IFNGR2: variants seen among roughly 807,000 people sequenced by gnomAD.
The protein encoded by IFNGR2 is interferon gamma receptor 2.
A neutral mutation model predicts 41.1 loss-of-function variants in IFNGR2; 15 were observed. The ratio of observed to expected loss-of-function variants is 0.37; its 90% CI spans 0.24 to 0.56. The LOEUF is 0.56. IFNGR2 is among the 20% of genes least tolerant of loss of function. The pLI is 0.81. For missense variants in IFNGR2, 362 were observed against 415.7 expected (o/e 0.87, Z 1.12); for synonymous variants, 161 against 171.6 (o/e 0.94, Z 0.48).
Position 33,437,126 on chromosome 21 carries a change from C to T in IFNGR2, c.*164C>T. ...CAGCAGGTCTCATGGGGGTGACAAGCTTTTTTTTTTTTTCTTAAAGAATTT... is the reference window on the plus strand; with the variant it reads ...CAGCAGGTCTCATGGGGGTGACAAGTTTTTTTTTTTTTTCTTAAAGAATTT... On this transcript the variant is annotated 3_prime_UTR_variant, in exon 7 of 7. Transcript: ENST00000290219. 27 of 490,308 alleles carry T rather than the reference C, an allele frequency of 5.5e-5. No homozygotes were observed. The highest frequency in any genetic ancestry group is 1.1e-3 in the Middle Eastern group (2 of 1,820). 30.4% of individuals were successfully genotyped at this position (490,308 alleles called of 1,614,324 possible). A position where few individuals can be genotyped will look rare whatever the true frequency, so the allele number is the denominator to read the frequency against.
At chr21:33,413,957 T>C (rs1003225767) in intron 1 of IFNGR2, among the ~76,000 whole-genome samples, 1 of 149,938 alleles carries the variant, frequency 6.7e-6, no homozygotes, top group African/African-American at 2.5e-5. Flanking sequence ...CTCAGCCTCC[T>C]GAGTAGCTGG....
At chr21:33,422,567 A>C (rs2083801813) in intron 3 of IFNGR2, among the ~76,000 whole-genome samples, 1 of 152,160 alleles carries the variant, frequency 6.6e-6, no homozygotes, top group South Asian at 2.1e-4. Flanking sequence ...TTACCACAAT[A>C]AAAAATTGGG....
At chr21:33,436,174 T>C (rs2083948364) in intron 6 of IFNGR2, among the ~76,000 whole-genome samples, 1 of 162 alleles carries the variant, frequency 6.2e-3, no homozygotes, top group South Asian at 0.25. Flanking sequence ...CTGACCAACA[T>C]GGGAAACCCC....
In IFNGR2 at chr21:33,421,631, G is replaced by T; in HGVS notation, c.358G>T (p.Gly120Ter). The T allele has an allele frequency of 6.2e-7, 1 of 1,614,102 alleles. No individual in the cohort carries two copies. The highest frequency in any genetic ancestry group is 8.5e-7 in the Non-Finnish European group (1 of 1,180,020). ...CACTCTACGCCTTCGAGCTGAGCTGGGAGCACTCCATTCTGCCTGGGTGAC... is the reference window on the plus strand; with the variant it reads ...CACTCTACGCCTTCGAGCTGAGCTGTGAGCACTCCATTCTGCCTGGGTGAC... ...NVTLRLRAEL[G>*]ALHSAWVTMP... Residue 120 changes from glycine to a stop codon, truncating the protein, a stop_gained, in exon 3 of 7, where the codon GGA becomes TGA. Coordinates refer to ENST00000290219, the MANE Select transcript of IFNGR2 (RefSeq NM_005534.4). LOFTEE classifies it high-confidence loss of function.
chr21:33,411,636 A>T (rs1345776548), intron 1 of IFNGR2: 1 of 402,240 alleles, frequency 2.5e-6, no homozygotes, highest in Non-Finnish European at 5.2e-6. Flanking sequence ...GTGGCCTTAT[A>T]CCACCACAGG....
chr21:33,413,107 G>A (rs1052569202), intron 1 of IFNGR2, among the ~76,000 whole-genome samples: 7 of 152,174 alleles, frequency 4.6e-5, no homozygotes, highest in Non-Finnish European at 8.8e-5. Flanking sequence ...ATTCAGATCT[G>A]TCTGTGTGAC....
chr21:33,432,680 G>A, intron 5 of IFNGR2, 34 bp from the exon 6 acceptor site: 1 of 1,610,836 alleles, frequency 6.2e-7, no homozygotes, highest in Non-Finnish European at 8.5e-7. Flanking sequence ...TGCGTAGGAA[G>A]ATCATTCTGT....
Position 33,416,976 on chromosome 21 carries a change from A to G in IFNGR2, c.206+1956A>G, listed in dbSNP as rs561148150. 6.4e-4 allele frequency among the ~76,000 whole-genome samples: 92 copies of G among 143,760 alleles called. 2 individuals are homozygous for G. Among genetic ancestry groups the G allele is most frequent in the African/African-American group, 2.4e-3 (92 of 38,362 alleles). 94.3% of individuals were successfully genotyped at this position (143,760 alleles called of 152,430 possible). On this transcript the variant is annotated intron_variant, in intron 2 of 6. Coordinates refer to ENST00000290219, the MANE Select transcript of IFNGR2 (RefSeq NM_005534.4). ...GTCTCCGTCACCCAGGCTGAAATGC[A>G]GTGGCACGATCTTGGCTCACTGGAC...
rs933681029 is a variant in IFNGR2, at chr21:33,432,585, G to T, written c.722-129G>T. On this transcript the variant is annotated intron_variant, in intron 5 of 6. Transcript: ENST00000290219. ...TAATGTAAGCATACCAGGTGAGGGT[G>T]GGGGGTAGAGGGACTTGCCCATTTT... The T allele has an allele frequency of 8.8e-6, 9 of 1,024,016 alleles. No homozygotes were observed. In the East Asian group the frequency reaches 9.5e-5, roughly 11 times the overall value. The allele number at this position is 1,024,016 out of a possible 1,614,324, so 63.4% of individuals were successfully genotyped here. A position where few individuals can be genotyped will look rare whatever the true frequency, so the allele number is the denominator to read the frequency against.
intron 3 of IFNGR2, 37 bp downstream of exon 3, chr21:33,421,722 T>G: frequency 6.6e-7 from 1 of 1,522,130 alleles, no homozygotes; most frequent in South Asian, 1.1e-5. Flanking sequence ...CTTTATACTT[T>G]CCAGGTTTTC....
rs765468464 is a variant in IFNGR2 at position 33,403,590 on chromosome 21, T to TCGCCGC, written c.57_62dup (p.Ala21_Ala22dup). The TCGCCGC allele has an allele frequency of 2.2e-6, 3 of 1,369,990 alleles. No individual in the cohort carries two copies. Among genetic ancestry groups the TCGCCGC allele is most frequent in the South Asian group, 1.6e-5 (1 of 62,178 alleles). 84.9% of individuals were successfully genotyped at this position (1,369,990 alleles called of 1,614,324 possible). A position where few individuals can be genotyped will look rare whatever the true frequency, so the allele number is the denominator to read the frequency against. ...TCGCTGCTGCTGCTGCTCGGAGTCT[T>TCGCCGC]CGCCGCCGCCGCCGCGGCCCCGCCA... On this transcript the variant is annotated inframe_insertion, in exon 1 of 7. Coordinates refer to ENST00000290219, the MANE Select transcript of IFNGR2 (RefSeq NM_005534.4).
At chr21:33,419,968 A>C (rs1272643501) in intron 2 of IFNGR2, among the ~76,000 whole-genome samples, 2 of 152,054 alleles carry the variant, frequency 1.3e-5, no homozygotes, top group Non-Finnish European at 2.9e-5. Flanking sequence ...TGAAAAAGAA[A>C]TCACTCACCT....
In IFNGR2 at chr21:33,431,179, G is replaced by A. The variant is rs116630871; in HGVS notation, c.562-998G>A. On this transcript the variant is annotated intron_variant, in intron 4 of 6. Coordinates refer to ENST00000290219, the MANE Select transcript of IFNGR2 (RefSeq NM_005534.4). Reference sequence around the variant, plus strand: ...ACTATAGGAGGCTCAAGCACATTTCGGTCAAACTAGAAGCAGGTTGGGAAT... The same window carrying A: ...ACTATAGGAGGCTCAAGCACATTTCAGTCAAACTAGAAGCAGGTTGGGAAT... 6.0e-3 allele frequency among the ~76,000 whole-genome samples: 912 copies of A among 152,202 alleles called. 5 individuals are homozygous for A. The highest frequency in any genetic ancestry group is 0.021 in the African/African-American group (869 of 41,534).
At chr21:33,410,375 C>T (rs1048787854) in intron 1 of IFNGR2, among the ~76,000 whole-genome samples, 1 of 151,986 alleles carries the variant, frequency 6.6e-6, no homozygotes, top group Non-Finnish European at 1.5e-5. Context: ...CCATCTTGGC[C>T]AGGCTGGTCT....
intron 4 of IFNGR2, among the ~76,000 whole-genome samples, chr21:33,430,035 A>G (rs1324061401): frequency 6.6e-6 from 1 of 152,204 alleles, no homozygotes; most frequent in Non-Finnish European, 1.5e-5. Context: ...GTTACTCAGG[A>G]GGCTGAGGCA....
chr21:33,403,915 A>C (rs2083659228), intron 1 of IFNGR2, among the ~76,000 whole-genome samples: 1 of 151,702 alleles, frequency 6.6e-6, no homozygotes, highest in Non-Finnish European at 1.5e-5. Flanking sequence ...CAGCAGGAAG[A>C]CGGGGGGCAC....
intron 4 of IFNGR2, 118 bp downstream of exon 4, chr21:33,427,150 A>C: frequency 1.1e-6 from 1 of 893,884 alleles, no homozygotes; most frequent in Non-Finnish European, 1.9e-6. Flanking sequence ...CCGTGTCCCC[A>C]TAGAGGCTGA....
rs535569457 is a variant in IFNGR2 at position 33,415,110 on chromosome 21, C to T, written c.206+90C>T. ...CCACATACTAGTCCCTGCCTCTGTG[C>T]AGGGTTTGTTATCAAACCCGTGGGA... On this transcript the variant is annotated intron_variant, in intron 2 of 6. Transcript: ENST00000290219. 8 of 1,479,970 alleles carry T rather than the reference C, an allele frequency of 5.4e-6. No individual in the cohort carries two copies. The South Asian group carries it at 8.0e-5, about 15-fold the overall frequency. The allele number at this position is 1,479,970 out of a possible 1,614,324, so 91.7% of individuals were successfully genotyped here.
chr21:33,404,652 C>G (rs1252932631), intron 1 of IFNGR2, among the ~76,000 whole-genome samples: 9 of 152,200 alleles, frequency 5.9e-5, no homozygotes, highest in African/African-American at 1.9e-4. Flanking sequence ...TGTTCTTGTA[C>G]TCCTGAGCTC....
Sources: gnomAD v4.1 joint callset for allele counts (sites outside exome capture counted in the v4.1 genomes callset) on GRCh38, gnomAD v4.1.1 for gene constraint, MANE v1.5 for transcripts, NCBI Gene and HGNC (gene_info 2026-07-23, HGNC 2026-07-21) for gene names.